Variants in ATAD1 observed in about 807,000 individuals in gnomAD.
ATAD1 encodes ATPase family AAA domain containing 1.
In ATAD1, 18 loss-of-function variants were observed where a neutral mutation model predicts 42.7. The observed-to-expected ratio is 0.42, with a 90% confidence interval of 0.29 to 0.63. ATAD1 has a LOEUF of 0.63. ATAD1 is among the 20% of genes least tolerant of loss of function. ATAD1 has a pLI of 0.19. For synonymous variants in ATAD1, 132 were observed against 143.1 expected, an observed-to-expected ratio of 0.92 and a Z score of 0.55; for missense variants, 294 against 440.4, an observed-to-expected ratio of 0.67 and a Z score of 2.98.
chr10:87,819,228 A>G (rs1303680235), upstream of ATAD1: 3 of 136,632 alleles, frequency 2.2e-5, no homozygotes, highest in East Asian at 7.0e-4. Flanking sequence ...GGAATTCGAG[A>G]CCAGCCTGGA....
At chr10:87,782,085 GA>G (rs1238642874) in intron 5 of ATAD1, among the ~76,000 whole-genome samples, 2 of 151,832 alleles carry the variant, frequency 1.3e-5, no homozygotes, top group South Asian at 2.1e-4. Context: ...TGCAGACCTA[GA>G]AAAAAACCAT....
chr10:87,766,414 T>C (rs1205607412), intron 8 of ATAD1, among the ~76,000 whole-genome samples: 1 of 152,058 alleles, frequency 6.6e-6, no homozygotes, highest in Non-Finnish European at 1.5e-5. Flanking sequence ...TCCTATGTAG[T>C]GTAAAAACAA....
intron 1 of ATAD1, among the ~76,000 whole-genome samples, chr10:87,839,410 T>A (rs1351334543): frequency 6.6e-6 from 1 of 152,196 alleles, no homozygotes; most frequent in Non-Finnish European, 1.5e-5. Context: ...TGTTAAACTA[T>A]AAGAAACGAG....
At chr10:87,824,072 G>C (rs1348970338) in intron 1 of ATAD1, among the ~76,000 whole-genome samples, 4 of 148,836 alleles carry the variant, frequency 2.7e-5, no homozygotes, top group African/African-American at 1.0e-4. Context: ...CAGAATTATA[G>C]TTGAAGTCTT....
At chr10:87,823,039 GGAA>G (rs1857659687), upstream of ATAD1, among the ~76,000 whole-genome samples, 2 of 151,186 alleles carry the variant, frequency 1.3e-5, no homozygotes, top group South Asian at 2.1e-4. Context: ...TCAAAAGATT[GGAA>G]GAAGTAGAAA....
At chr10:87,764,126 A>G (rs1854623321) in intron 8 of ATAD1, among the ~76,000 whole-genome samples, 1 of 152,098 alleles carries the variant, frequency 6.6e-6, no homozygotes, top group Non-Finnish European at 1.5e-5. Flanking sequence ...GAGACAATAC[A>G]TATGAGAATT....
At chr10:87,762,916 A>T (rs868855293) in intron 8 of ATAD1, among the ~76,000 whole-genome samples, 4,808 of 134,272 alleles carry the variant, frequency 0.036, 120 homozygotes, top group South Asian at 0.093. Context: ...TAAAAAAAAA[A>T]AAATATATAT....
intron 6 of ATAD1, among the ~76,000 whole-genome samples, chr10:87,774,894 A>G (rs919114490): frequency 2.6e-5 from 4 of 152,140 alleles, no homozygotes; most frequent in African/African-American, 9.7e-5. Flanking sequence ...TTGAGGTTGC[A>G]GTGAGAGCCA....
chr10:87,831,669 A>G (rs948700134), intron 1 of ATAD1, among the ~76,000 whole-genome samples: 4 of 152,224 alleles, frequency 2.6e-5, no homozygotes, highest in East Asian at 1.9e-4. Context: ...AACTTGTATC[A>G]TATTTATCAA....
chr10:87,790,217 T>C lies in ATAD1; in HGVS notation c.382+93A>G, dbSNP rs1391032778. 3 of 1,445,804 alleles carry C rather than the reference T, an allele frequency of 2.1e-6. No homozygotes were observed. In the African/African-American group the frequency reaches 4.3e-5, roughly 21 times the overall value. 89.6% of individuals were successfully genotyped at this position (1,445,804 alleles called of 1,614,324 possible). On this transcript the variant is annotated intron_variant, in intron 4 of 9. Coordinates refer to ENST00000680024, the MANE Select transcript of ATAD1 (RefSeq NM_001321967.2). ...ATAGATCTCAGCATCCTCTTGAGAA[T>C]CTGATTTCACAAAAACTAGTTCTAC...
At chr10:87,832,415 T>C (rs1453747010) in intron 1 of ATAD1, among the ~76,000 whole-genome samples, 1 of 151,346 alleles carries the variant, frequency 6.6e-6, no homozygotes, top group Non-Finnish European at 1.5e-5. Context: ...AAAATATGGC[T>C]GCAGTGGGCC....
chr10:87,825,349 G>A (rs1165264831), intron 1 of ATAD1, among the ~76,000 whole-genome samples: 17 of 135,376 alleles, frequency 1.3e-4, no homozygotes, highest in African/African-American at 2.3e-4. Flanking sequence ...TTGCTCAGTC[G>A]CCCAGGCTGG....
chr10:87,769,155 T>A (rs991013649), intron 7 of ATAD1, among the ~76,000 whole-genome samples: 1 of 152,202 alleles, frequency 6.6e-6, no homozygotes, highest in African/African-American at 2.4e-5. Context: ...TAAATTATCT[T>A]CAGAACCAAT....
chr10:87,836,366 A>G (rs1278592928), intron 1 of ATAD1, among the ~76,000 whole-genome samples: 1 of 152,208 alleles, frequency 6.6e-6, no homozygotes, highest in African/African-American at 2.4e-5. Flanking sequence ...CTTTAGACCA[A>G]GGTATGCTGA....
Position 87,770,812 on chromosome 10 carries a change from T to C in ATAD1, c.780+140A>G, listed in dbSNP as rs1241761656. 5.1e-6 allele frequency: 3 copies of C among 592,760 alleles called. No individual in the cohort carries two copies. In the African/African-American group the frequency reaches 5.6e-5, roughly 11 times the overall value. The allele number at this position is 592,760 out of a possible 1,614,324, so 36.7% of individuals were successfully genotyped here. ...TAGAGAGTGGAAAGGACAAAGAAGC[T>C]ACTGTCAGGGTTTCTGCCCCATTCC... On this transcript the variant is annotated intron_variant, in intron 7 of 9. Transcript: ENST00000680024.
intron 2 of ATAD1, among the ~76,000 whole-genome samples, chr10:87,802,059 TCTCTAC>T (rs1564771114): frequency 6.6e-6 from 1 of 152,240 alleles, no homozygotes; most frequent in Non-Finnish European, 1.5e-5. Flanking sequence ...TATTTGTTTC[TCTCTAC>T]CTGATTTCTC....
At chr10:87,800,585 T>G (rs1856645248) in intron 2 of ATAD1, among the ~76,000 whole-genome samples, 1 of 152,162 alleles carries the variant, frequency 6.6e-6, no homozygotes. Flanking sequence ...TCAGTTTGGT[T>G]TGCTTGGGGA....
intron 1 of ATAD1, among the ~76,000 whole-genome samples, chr10:87,837,344 T>C (rs1227106308): frequency 6.6e-6 from 1 of 152,250 alleles, no homozygotes; most frequent in Non-Finnish European, 1.5e-5. Context: ...GCCAACCTTC[T>C]GTCAGTTGTA....
In ATAD1 at chr10:87,811,072, C is replaced by A. The variant is rs182545202; in HGVS notation, c.162+3366G>T. 8.9e-4 allele frequency among the ~76,000 whole-genome samples: 136 copies of A among 152,286 alleles called. 2 individuals carry two copies. Among genetic ancestry groups the A allele is most frequent in the African/African-American group, 3.0e-3 (125 of 41,558 alleles). Reference sequence around the variant, plus strand: ...TTTAGGCCAGACACAGTGGCCCACACCTGTAATCTCAGCACTTTGGGAGGC... The same window carrying A: ...TTTAGGCCAGACACAGTGGCCCACAACTGTAATCTCAGCACTTTGGGAGGC... On this transcript the variant is annotated intron_variant, in intron 2 of 9. Coordinates refer to ENST00000680024, the MANE Select transcript of ATAD1 (RefSeq NM_001321967.2).
Sources: allele counts gnomAD v4.1 joint callset (sites outside exome capture counted in the v4.1 genomes callset), GRCh38; gene constraint gnomAD v4.1.1; transcripts MANE v1.5; gene names NCBI Gene and HGNC (gene_info 2026-07-23, HGNC 2026-07-21).